FGF14: variants seen among roughly 807,000 people sequenced by gnomAD.
FGF14 encodes fibroblast growth factor homologous factor 4.
FGF14 carries 5 observed loss-of-function variants against 25.5 expected under a neutral mutation model. The ratio of observed to expected loss-of-function variants is 0.20; its 90% CI spans 0.10 to 0.41. FGF14 has a LOEUF of 0.41. Ranked by LOEUF, FGF14 falls within the 10% of genes least tolerant of loss-of-function variation. FGF14 has a pLI of 1.00. For missense variants in FGF14, 222 were observed against 320.1 expected (o/e 0.69, Z 2.34); for synonymous variants, 138 against 118.3 (o/e 1.17, Z -1.08).
At chr13:101,784,752 G>T (rs2390651) in intron 3 of FGF14, among the ~76,000 whole-genome samples, 142,422 of 152,238 alleles carry the variant, frequency 0.94, 67,310 homozygotes, top group East Asian at 1. Flanking sequence ...ATGTGTTTAT[G>T]AAACACCTGC....
intron 3 of FGF14, among the ~76,000 whole-genome samples, chr13:101,746,632 G>A (rs2036909146): frequency 6.6e-6 from 1 of 151,928 alleles, no homozygotes; most frequent in African/African-American, 2.4e-5. Context: ...AGGGCAAACT[G>A]CATAAAGTGC....
intron 4 of FGF14, among the ~76,000 whole-genome samples, 178 bp downstream of exon 4, chr13:101,726,433 AG>A (rs3215857): frequency 6.6e-6 from 1 of 152,150 alleles, no homozygotes; most frequent in East Asian, 1.9e-4. Flanking sequence ...AAAGTGTATA[AG>A]GGGCACAAAT....
At chr13:101,977,709 C>T (rs2038012528) in intron 1 of FGF14, among the ~76,000 whole-genome samples, 1 of 152,152 alleles carries the variant, frequency 6.6e-6, no homozygotes, top group African/African-American at 2.4e-5. Context: ...TCACAGACGG[C>T]AGATTGGCAA....
intron 1 of FGF14, among the ~76,000 whole-genome samples, chr13:101,886,134 G>T (rs2045977915): frequency 6.6e-6 from 1 of 152,106 alleles, no homozygotes; most frequent in Non-Finnish European, 1.5e-5. Flanking sequence ...TGGCCATCAG[G>T]TTGGATTATA....
At chr13:102,049,510 AAATC>A (rs1234068385) in intron 1 of FGF14, among the ~76,000 whole-genome samples, 1 of 152,184 alleles carries the variant, frequency 6.6e-6, no homozygotes. Flanking sequence ...CCAAAAGTCC[AAATC>A]ATCATTAAAT....
chr13:102,194,435 G>GCC lies in FGF14; in HGVS notation c.208+207034_208+207035dup, dbSNP rs34388448. ...TTATCCTGATACTCTCCCTCCCACT[G>GCC]CCCCCCTGACAGGCCCCATTGTGTG... is the stretch of plus-strand genomic sequence containing the variant. On this transcript the variant is annotated intron_variant, in intron 1 of 4. Transcript: ENST00000376131. Among the ~76,000 whole-genome samples, 35 of 151,130 alleles carry GCC rather than the reference G, an allele frequency of 2.3e-4. 1 individual carries two copies. The highest frequency in any genetic ancestry group is 6.9e-3 in the Middle Eastern group (2 of 290).
chr13:102,168,797 G>A (rs2048124106), intron 1 of FGF14, among the ~76,000 whole-genome samples: 1 of 152,094 alleles, frequency 6.6e-6, no homozygotes, highest in Non-Finnish European at 1.5e-5. Context: ...CTCAGGCCAT[G>A]ATAATGTTCT....
chr13:102,067,349 TTTA>T (rs2042945062), intron 1 of FGF14, among the ~76,000 whole-genome samples: 1 of 152,120 alleles, frequency 6.6e-6, no homozygotes, highest in Non-Finnish European at 1.5e-5. Flanking sequence ...ATAACACTTT[TTTA>T]TTATTTCATA....
chr13:102,164,447 T>C (rs1156828068), intron 1 of FGF14, among the ~76,000 whole-genome samples: 1 of 152,066 alleles, frequency 6.6e-6, no homozygotes, highest in African/African-American at 2.4e-5. Flanking sequence ...ACAAACAATA[T>C]CTTTGGGAAT....
At position 101,894,408 on chromosome 13, in the gene FGF14, T is replaced by G. The variant is rs576167626; in HGVS notation, c.194-19112A>C. Among the ~76,000 whole-genome samples the G allele has an allele frequency of 1.1e-3, 165 of 152,194 alleles. 1 individual carries two copies. Among genetic ancestry groups the G allele is most frequent in the African/African-American group, 3.6e-3 (151 of 41,546 alleles). ...TAAAATATTAGCAGTAGATAGCATC[T>G]CAGGAATTATCTATTAGTCCAATGA... On this transcript the variant is annotated intron_variant, in intron 1 of 4. Transcript: ENST00000376143.
chr13:102,017,930 A>G (rs1162146436), intron 1 of FGF14, among the ~76,000 whole-genome samples: 2 of 152,086 alleles, frequency 1.3e-5, no homozygotes, highest in African/African-American at 2.4e-5. Context: ...TTAATTTCCA[A>G]CACTCCTGGA....
chr13:102,385,166 T>G (rs903891724), intron 1 of FGF14, among the ~76,000 whole-genome samples: 1 of 152,248 alleles, frequency 6.6e-6, no homozygotes, highest in African/African-American at 2.4e-5. Context: ...AAGTTTTGAA[T>G]AGCCTAAAGA....
intron 1 of FGF14, among the ~76,000 whole-genome samples, chr13:102,111,337 CAG>C (rs1201485889): frequency 2.0e-5 from 3 of 152,296 alleles, no homozygotes; most frequent in Non-Finnish European, 4.4e-5. Flanking sequence ...GTGCTTTGGG[CAG>C]AGTTAAGTTT....
At chr13:102,037,534 T>A (rs535128219) in intron 1 of FGF14, among the ~76,000 whole-genome samples, 4 of 152,104 alleles carry the variant, frequency 2.6e-5, no homozygotes, top group African/African-American at 9.7e-5. Context: ...TCCATATTCC[T>A]AACATAATCA....
At chr13:101,973,190 G>C (rs2037718518) in intron 1 of FGF14, among the ~76,000 whole-genome samples, 1 of 144,986 alleles carries the variant, frequency 6.9e-6, no homozygotes, top group African/African-American at 2.6e-5. Flanking sequence ...CAGCTGGTTT[G>C]GTACATAATT....
intron 3 of FGF14, among the ~76,000 whole-genome samples, chr13:101,740,578 G>T (rs1470319869): frequency 6.6e-6 from 1 of 152,044 alleles, no homozygotes; most frequent in Non-Finnish European, 1.5e-5. Context: ...CAGTGTGCAG[G>T]TTTCTAGCCT....
intron 1 of FGF14, among the ~76,000 whole-genome samples, chr13:102,318,936 T>C (rs905654054): frequency 1.3e-5 from 2 of 152,204 alleles, no homozygotes; most frequent in Non-Finnish European, 2.9e-5. Flanking sequence ...TCATCCTTTC[T>C]GAGTGCCAGT....
intron 1 of FGF14, among the ~76,000 whole-genome samples, chr13:102,387,899 TTTG>T (rs2058343278): frequency 6.6e-6 from 1 of 152,114 alleles, no homozygotes; most frequent in South Asian, 2.1e-4. Context: ...CCGGCTAATT[TTTG>T]TATTTTTAGT....
intron 3 of FGF14, among the ~76,000 whole-genome samples, chr13:101,858,988 T>A (rs1164501435): frequency 6.6e-6 from 1 of 152,128 alleles, no homozygotes; most frequent in Non-Finnish European, 1.5e-5. Flanking sequence ...AATGCAGCCG[T>A]TGAACATCTG....
Sources: allele counts gnomAD v4.1 joint callset (sites outside exome capture counted in the v4.1 genomes callset), GRCh38; gene constraint gnomAD v4.1.1; transcripts MANE v1.5; gene names NCBI Gene and HGNC (gene_info 2026-07-23, HGNC 2026-07-21).